COL4A2: variants seen among roughly 807,000 people sequenced by gnomAD.
COL4A2 encodes the protein collagen type IV alpha 2 chain.
COL4A2 carries 99 observed loss-of-function variants against 200.2 expected under a neutral mutation model. The ratio of observed to expected loss-of-function variants is 0.49; its 90% confidence interval spans 0.42 to 0.58. The LOEUF is 0.58. Among genes scored for constraint, COL4A2 ranks in the 20% least tolerant of loss-of-function variants. The probability of loss-of-function intolerance (pLI) is 0.00; values close to 1 mark genes in which losing one functional copy is unlikely to be tolerated. For synonymous variants in COL4A2, 897 were observed against 900.6 expected (o/e 1.00, Z 0.07); for missense variants, 1,950 against 2,314.1 (o/e 0.84, Z 3.23).
At position 110,489,768 on chromosome 13, in the gene COL4A2, G is replaced by A. The variant is rs199531970; in HGVS notation, c.3329G>A (p.Gly1110Asp). 6.2e-7 allele frequency: 1 copy of A among 1,611,918 alleles called. No individual in the cohort carries two copies. The highest frequency in any genetic ancestry group is 8.5e-7 in the Non-Finnish European group (1 of 1,179,352). The change falls in exon 36 of 48, where the codon GGC becomes GAC. Residue 1110 changes from glycine (G) to aspartate (D), a missense_variant. This residue lies in a region of COL4A2 where 1,385 missense variants were observed against 1,720.5 expected (regional missense o/e 0.80). Coordinates refer to ENST00000360467, the MANE Select transcript of COL4A2 (RefSeq NM_001846.4). Reference sequence around the variant, plus strand: ...AGACCAGGCCTGAAGGGGGAGCGGGGCACCACTGGAATACCAGGTACGCAA... The same window carrying A: ...AGACCAGGCCTGAAGGGGGAGCGGGACACCACTGGAATACCAGGTACGCAA... The part of the protein sequence containing the change: ...PGRPGLKGER[G>D]TTGIPGLKGF...
At chr13:110,314,426 A>G (rs1388988903) in intron 3 of COL4A2, among the ~76,000 whole-genome samples, 4 of 152,222 alleles carry the variant, frequency 2.6e-5, no homozygotes, top group African/African-American at 4.8e-5. Flanking sequence ...CTCATAGAGT[A>G]AGTGAACAGA....
chr13:110,334,794 TAAAG>T (rs1876098401), intron 3 of COL4A2, among the ~76,000 whole-genome samples: 3 of 152,140 alleles, frequency 2.0e-5, no homozygotes, highest in African/African-American at 7.2e-5. Flanking sequence ...GAAGACAAAG[TAAAG>T]ATGCAAAATT....
Position 110,462,140 on chromosome 13 carries a change from C to T in COL4A2, c.1623C>T (p.Pro541=), listed in dbSNP as rs567530451. The change falls in exon 23 of 48, where the codon CCC becomes CCT. Residue 541 remains proline (P), a synonymous_variant. Coordinates refer to ENST00000360467, the MANE Select transcript of COL4A2 (RefSeq NM_001846.4). The part of the protein sequence containing the change: ...LKGVPGNIGA[P]GPKGAKGDSR... ...GAGTGCCTGGCAACATTGGTGCTCC[C>T]GGACCCAAAGGAGCAAAAGGAGATT... is the stretch of plus-strand genomic sequence containing the variant. The T allele has an allele frequency of 2.4e-5, 38 of 1,614,246 alleles. 3 individuals carry two copies. In the South Asian group the frequency reaches 2.9e-4, roughly 12 times the overall value.
chr13:110,508,439 A>C lies in COL4A2; in HGVS notation c.4881+218A>C. ...GGCTTCCTCCACCCAGAAAGGGCTC[A>C]TTAATTTGCCACCAGGCCTTTGTAA... On this transcript the variant is annotated intron_variant, in intron 47 of 47. Coordinates refer to ENST00000360467, the MANE Select transcript of COL4A2 (RefSeq NM_001846.4). The surrounding 1 kb of genome is among the most constrained non-coding windows in gnomAD (Gnocchi z 6.1). 2.7e-6 allele frequency: 2 copies of C among 728,544 alleles called. No individual in the cohort carries two copies. The highest frequency in any genetic ancestry group is 1.9e-5 in the South Asian group (1 of 52,598). The allele number at this position is 728,544 out of a possible 1,614,324, so 45.1% of individuals were successfully genotyped here.
At chr13:110,483,639 A>G (rs776365482) in intron 32 of COL4A2, among the ~76,000 whole-genome samples, 2 of 150,000 alleles carry the variant, frequency 1.3e-5, no homozygotes, top group Non-Finnish European at 2.9e-5. Flanking sequence ...GACTGCATGT[A>G]TATGAGATGT....
At chr13:110,438,139 G>T (rs1224156022) in intron 14 of COL4A2, 102 bp downstream of exon 14, 1 of 859,378 alleles carries the variant, frequency 1.2e-6, no homozygotes, top group African/African-American at 1.7e-5. Flanking sequence ...CCCGCACACC[G>T]CCAGTCTCTC....
In COL4A2 at chr13:110,472,950, C is replaced by A. The variant is rs749181285; in HGVS notation, c.2225C>A (p.Ser742Tyr). The change falls in exon 29 of 48, where the codon TCC becomes TAC. Residue 742 changes from serine (S) to tyrosine (Y), a missense_variant. This residue lies in a region of COL4A2 where 1,385 missense variants were observed against 1,720.5 expected (regional missense o/e 0.80). Transcript: ENST00000360467. ...TTAGGGTTCATAGGACCCCGAGGATCCAAAGGTGCAGTGGGCCTCCCTGGC... is the reference window on the plus strand; with the variant it reads ...TTAGGGTTCATAGGACCCCGAGGATACAAAGGTGCAGTGGGCCTCCCTGGC... ...GPPGFIGPRGSKGAVGLPGPD... is the reference protein window; with the variant it reads ...GPPGFIGPRGYKGAVGLPGPD... 2 of 1,557,500 alleles carry A rather than the reference C, an allele frequency of 1.3e-6. No homozygotes were observed. The highest frequency in any genetic ancestry group is 1.9e-5 in the Admixed American group (1 of 52,150).
At chr13:110,392,075 G>T (rs951657657) in intron 4 of COL4A2, among the ~76,000 whole-genome samples, 1 of 152,164 alleles carries the variant, frequency 6.6e-6, no homozygotes, top group Non-Finnish European at 1.5e-5. Context: ...ACAACAAATG[G>T]CAGGAGGTGA....
At chr13:110,436,410 A>T in intron 13 of COL4A2, 43 bp downstream of exon 13, 1 of 1,594,614 alleles carries the variant, frequency 6.3e-7, no homozygotes, top group Non-Finnish European at 8.6e-7. Flanking sequence ...AAATAAAAAA[A>T]GGAGAGTAAA....
intron 3 of COL4A2, among the ~76,000 whole-genome samples, chr13:110,339,112 T>C (rs1323135091): frequency 1.3e-5 from 2 of 152,196 alleles, no homozygotes; most frequent in Non-Finnish European, 2.9e-5. Context: ...TTTCACGTTA[T>C]CATGTGGTAA....
At chr13:110,510,977 G>T (rs988802810) in intron 47 of COL4A2, among the ~76,000 whole-genome samples, 3 of 151,522 alleles carry the variant, frequency 2.0e-5, no homozygotes, top group African/African-American at 2.4e-5. Flanking sequence ...AGGTTTTTGG[G>T]TTTTTTTTTG....
chr13:110,400,396 G>C (rs1879330380), intron 4 of COL4A2, among the ~76,000 whole-genome samples: 1 of 152,158 alleles, frequency 6.6e-6, no homozygotes, highest in Non-Finnish European at 1.5e-5. Context: ...AAGAGTTGAT[G>C]GTTAGATTTC....
At chr13:110,420,700 G>A (rs1444717138) in intron 4 of COL4A2, among the ~76,000 whole-genome samples, 4 of 152,190 alleles carry the variant, frequency 2.6e-5, no homozygotes, top group Non-Finnish European at 5.9e-5. Context: ...TGATAAGGAC[G>A]ATGATTAGCA....
At chr13:110,375,815 G>A (rs900932771) in intron 4 of COL4A2, among the ~76,000 whole-genome samples, 4 of 151,762 alleles carry the variant, frequency 2.6e-5, no homozygotes, top group Non-Finnish European at 4.4e-5. Context: ...GGATGACAGA[G>A]TGAGACTCTG....
At chr13:110,434,022 C>T (rs1880780159) in intron 11 of COL4A2, among the ~76,000 whole-genome samples, 1 of 152,060 alleles carries the variant, frequency 6.6e-6, no homozygotes, top group Non-Finnish European at 1.5e-5. Flanking sequence ...GAAGACTGAG[C>T]CAGAAGAAAA....
At position 110,349,490 on chromosome 13, in the gene COL4A2, A is replaced by G. The variant is rs1004626108; in HGVS notation, c.100-7982A>G. On this transcript the variant is annotated intron_variant, in intron 3 of 47. Coordinates refer to ENST00000360467, the MANE Select transcript of COL4A2 (RefSeq NM_001846.4). ...ATGTCCTCTTAATCCTGCAGCTGCC[A>G]CTCTTGATCTCTGCTCCAACTCCAC... Among the ~76,000 whole-genome samples, 3 of 152,146 alleles carry G rather than the reference A, an allele frequency of 2.0e-5. No individual in the cohort carries two copies. The East Asian group carries it at 5.8e-4, about 29-fold the overall frequency.
At chr13:110,324,664 T>C (rs2139355054) in intron 3 of COL4A2, among the ~76,000 whole-genome samples, 1 of 152,336 alleles carries the variant, frequency 6.6e-6, no homozygotes, top group South Asian at 2.1e-4. Context: ...ATGGTGGTGC[T>C]GCTGCCCAGG....
chr13:110,492,907 G>A (rs1566565487), intron 38 of COL4A2, among the ~76,000 whole-genome samples: 1 of 152,124 alleles, frequency 6.6e-6, no homozygotes, highest in African/African-American at 2.4e-5. Context: ...CTATTTGTGG[G>A]GCTTTAGCAG....
At chr13:110,398,819 T>A (rs1020228748) in intron 4 of COL4A2, among the ~76,000 whole-genome samples, 3 of 151,842 alleles carry the variant, frequency 2.0e-5, no homozygotes, top group Non-Finnish European at 2.9e-5. Flanking sequence ...GAGTTGGAGA[T>A]CATCTAGTCC....
Sources: gnomAD v4.1 joint callset for allele counts (sites outside exome capture counted in the v4.1 genomes callset) on GRCh38, gnomAD v4.1.1 for gene constraint, gnomAD v4.1.1 regional missense constraint, Gnocchi (gnomAD v3.1) non-coding constraint, MANE v1.5 for transcripts, NCBI Gene and HGNC (gene_info 2026-07-23, HGNC 2026-07-21) for gene names.